Variants in KAT14 observed in about 807,000 individuals in gnomAD.
KAT14 encodes lysine acetyltransferase 14.
A neutral mutation model predicts 78.4 loss-of-function variants in KAT14; 66 were observed. That is an observed-to-expected ratio of 0.84 (90% CI 0.69 to 1.03). The LOEUF (loss-of-function observed/expected upper bound fraction) is 1.03. Ranked by LOEUF, KAT14 falls within the 50% of genes least tolerant of loss-of-function variation. KAT14 has a pLI of 0.00. For missense variants in KAT14, 870 were observed against 972.5 expected (o/e 0.89, Z 1.40); for synonymous variants, 344 against 359.4 (o/e 0.96, Z 0.48).
chr20:18,175,213 G>A (rs1470869699), intron 7 of KAT14, among the ~76,000 whole-genome samples: 3 of 151,976 alleles, frequency 2.0e-5, no homozygotes, highest in African/African-American at 7.3e-5. Context: ...AGGACCTCTC[G>A]CCCAGGTGCT....
chr20:18,177,158 A>G (rs114791722), intron 7 of KAT14, among the ~76,000 whole-genome samples: 3,728 of 152,156 alleles, frequency 0.025, 172 homozygotes, highest in African/African-American at 0.086. Flanking sequence ...TTGACTGGGC[A>G]CTGTTGGGTT....
intron 7 of KAT14, among the ~76,000 whole-genome samples, chr20:18,167,695 G>A (rs1341246002): frequency 6.6e-6 from 1 of 152,020 alleles, no homozygotes; most frequent in African/African-American, 2.4e-5. Context: ...TCAGATATAT[G>A]AGAATTTTAA....
chr20:18,157,590 C>G (rs972200686), intron 4 of KAT14, among the ~76,000 whole-genome samples: 1 of 152,088 alleles, frequency 6.6e-6, no homozygotes, highest in African/African-American at 2.4e-5. Flanking sequence ...AACTCTATCC[C>G]TATTAAATAA....
At chr20:18,171,427 T>G (rs1486344034) in intron 7 of KAT14, among the ~76,000 whole-genome samples, 2 of 152,200 alleles carry the variant, frequency 1.3e-5, no homozygotes, top group African/African-American at 4.8e-5. Context: ...AACAAAAGAT[T>G]TAGAATATTG....
intron 7 of KAT14, among the ~76,000 whole-genome samples, chr20:18,171,336 T>G (rs1297524145): frequency 1.3e-5 from 2 of 152,248 alleles, no homozygotes; most frequent in Non-Finnish European, 2.9e-5. Flanking sequence ...GTGTTGCTTC[T>G]TATGGATGAG....
chr20:18,176,279 C>G (rs1231504991), intron 7 of KAT14, among the ~76,000 whole-genome samples: 2 of 120,248 alleles, frequency 1.7e-5, no homozygotes, highest in Non-Finnish European at 3.2e-5. Context: ...CCAGCTTGGG[C>G]AACAGAGTGA....
chr20:18,186,380 G>T (rs2039455177), intron 10 of KAT14, among the ~76,000 whole-genome samples: 1 of 152,150 alleles, frequency 6.6e-6, no homozygotes, highest in South Asian at 2.1e-4. Flanking sequence ...CTCACAAAGT[G>T]CTCTTGTCCC....
intron 5 of KAT14, 22 bp downstream of exon 5, chr20:18,159,287 A>G: frequency 6.2e-7 from 1 of 1,609,016 alleles, no homozygotes; most frequent in East Asian, 2.2e-5. Context: ...AGAACAGTAC[A>G]AAAGTTGCTA....
rs766434005 is a variant in KAT14, at chr20:18,162,246, G to A, written c.1099+7G>A. 1 of 1,613,618 alleles carries A rather than the reference G, an allele frequency of 6.2e-7. No individual in the cohort carries two copies. Among genetic ancestry groups the A allele is most frequent in the Non-Finnish European group, 8.5e-7 (1 of 1,179,748 alleles). On this transcript the variant is annotated splice_region_variant and intron_variant, in intron 6 of 10. Coordinates refer to ENST00000688188, the MANE Select transcript of KAT14 (RefSeq NM_001392073.1). Reference sequence around the variant, plus strand: ...CCACAAGCCTTGTTTCATGGTAAGAGTTTGTTTGCTTTGCTCTTTTATTTT... The same window carrying A: ...CCACAAGCCTTGTTTCATGGTAAGAATTTGTTTGCTTTGCTCTTTTATTTT...
chr20:18,179,290 C>T (rs2039162503), intron 7 of KAT14, among the ~76,000 whole-genome samples: 1 of 152,220 alleles, frequency 6.6e-6, no homozygotes, highest in East Asian at 1.9e-4. Context: ...CCTCTTCTCA[C>T]AGCTAGGCAC....
chr20:18,152,330 A>G (rs2038079186), intron 4 of KAT14, among the ~76,000 whole-genome samples: 1 of 152,074 alleles, frequency 6.6e-6, no homozygotes, highest in African/African-American at 2.4e-5. Flanking sequence ...TAATCCCAGC[A>G]TTTTGGGAGG....
intron 7 of KAT14, among the ~76,000 whole-genome samples, chr20:18,175,912 G>A (rs1026688330): frequency 6.6e-6 from 1 of 151,502 alleles, no homozygotes; most frequent in Non-Finnish European, 1.5e-5. Flanking sequence ...AGGAGGCTGA[G>A]GTGAGAGGAT....
intron 4 of KAT14, among the ~76,000 whole-genome samples, chr20:18,155,829 G>C (rs986273462): frequency 6.6e-6 from 1 of 152,162 alleles, no homozygotes; most frequent in Non-Finnish European, 1.5e-5. Flanking sequence ...AAATGGTGTG[G>C]TGTTTCCTCA....
chr20:18,160,308 C>T (rs1425690090), intron 5 of KAT14, among the ~76,000 whole-genome samples: 2 of 152,170 alleles, frequency 1.3e-5, no homozygotes, highest in Admixed American at 1.3e-4. Flanking sequence ...AATTTCACTT[C>T]CCAGAGTAAC....
At chr20:18,182,915 A>G (rs574700323) in intron 8 of KAT14, among the ~76,000 whole-genome samples, 1 of 152,298 alleles carries the variant, frequency 6.6e-6, no homozygotes, top group South Asian at 2.1e-4. Context: ...CCTGGTGGGT[A>G]CAGAGGGCTT....
At chr20:18,180,701 A>G (rs574534405) in intron 7 of KAT14, among the ~76,000 whole-genome samples, 2 of 152,332 alleles carry the variant, frequency 1.3e-5, no homozygotes, top group East Asian at 3.9e-4. Flanking sequence ...GACACTTCTT[A>G]GTGGGCAGTG....
chr20:18,145,147 G>A (rs2037777619), intron 2 of KAT14, 86 bp from the exon 3 acceptor site: 3 of 1,494,552 alleles, frequency 2.0e-6, no homozygotes, highest in African/African-American at 1.4e-5. Flanking sequence ...CATGGGAAAG[G>A]AAAATCTGGG....
chr20:18,156,826 G>A (rs1006256283), intron 4 of KAT14, among the ~76,000 whole-genome samples: 7 of 152,170 alleles, frequency 4.6e-5, no homozygotes, highest in African/African-American at 1.7e-4. Context: ...TATTGGATTA[G>A]TGTTCAACTT....
At position 18,138,546 on chromosome 20, in the gene KAT14, T is replaced by C. The variant is rs1278281420; in HGVS notation, c.-454+495T>C. 3.7e-6 allele frequency: 3 copies of C among 801,892 alleles called. No homozygotes were observed. The African/African-American group carries it at 5.6e-5, about 15-fold the overall frequency. The allele number at this position is 801,892 out of a possible 1,614,324, so 49.7% of individuals were successfully genotyped here. ...AATGTGTTTTACGTGCTATTGATTT[T>C]ATCCCATGGTAAGGGAGCCCCCCTT... On this transcript the variant is annotated intron_variant, in intron 1 of 10. Transcript: ENST00000688188.
Sources: gnomAD v4.1 joint callset for allele counts (sites outside exome capture counted in the v4.1 genomes callset) on GRCh38, gnomAD v4.1.1 for gene constraint, MANE v1.5 for transcripts, NCBI Gene and HGNC (gene_info 2026-07-23, HGNC 2026-07-21) for gene names.